C8orf74: variants seen among roughly 807,000 people sequenced by gnomAD.
C8orf74 encodes chromosome 8 open reading frame 74, also known as uncharacterized protein C8orf74.
Under a neutral mutation model 22.2 loss-of-function variants are expected in C8orf74, and 29 were observed. The observed-to-expected ratio is 1.31, with a 90% CI of 0.97 to 1.78. The LOEUF is 1.78. Among genes scored for constraint, C8orf74 ranks in the 40% most tolerant of loss-of-function variants. The probability of loss-of-function intolerance (pLI) is 0.00; values close to 1 mark genes in which losing one functional copy is unlikely to be tolerated. For missense variants in C8orf74, 515 were observed against 369.9 expected (o/e 1.39, Z -3.22); for synonymous variants, 255 against 163.1 (o/e 1.56, Z -4.30).
intron 2 of C8orf74, chr8:10,687,059 C>A (rs1228433292): frequency 2.2e-6 from 1 of 456,176 alleles, no homozygotes; most frequent in Admixed American, 2.3e-5. Flanking sequence ...TAGAGCCATG[C>A]TTCATTCTCT....
intron 2 of C8orf74, chr8:10,686,995 C>A (rs1799274715): frequency 9.5e-6 from 4 of 420,998 alleles, no homozygotes; most frequent in South Asian, 6.6e-5. Flanking sequence ...AATCACCAGG[C>A]AACCGCCAAG....
chr8:10,687,526 C>T (rs1586042330), intron 2 of C8orf74, among the ~76,000 whole-genome samples: 1 of 149,130 alleles, frequency 6.7e-6, no homozygotes, highest in African/African-American at 2.5e-5. Context: ...ACAGGAGAAT[C>T]GCTTGAATCT....
rs1034624421 is a variant in C8orf74 at position 10,700,414 on chromosome 8, G to A, written c.828G>A (p.Glu276=). ...PPPITSHAGQ[E]EALKPQRASK... Reference sequence around the variant, plus strand: ...CCATCACCAGCCACGCAGGCCAGGAGGAAGCCCTGAAGCCCCAAAGAGCGA... The same window carrying A: ...CCATCACCAGCCACGCAGGCCAGGAAGAAGCCCTGAAGCCCCAAAGAGCGA... The change falls in exon 4 of 4, where the codon GAG becomes GAA. Residue 276 remains glutamate (E), a synonymous_variant. Coordinates refer to ENST00000304519, the MANE Select transcript of C8orf74 (RefSeq NM_001040032.2). 6.2e-7 allele frequency: 1 copy of A among 1,610,972 alleles called. No individual in the cohort carries two copies. Among genetic ancestry groups the A allele is most frequent in the Admixed American group, 1.7e-5 (1 of 59,706 alleles).
intron 2 of C8orf74, among the ~76,000 whole-genome samples, chr8:10,680,240 T>C (rs1799121076): frequency 6.6e-6 from 1 of 152,138 alleles, no homozygotes; most frequent in East Asian, 1.9e-4. Context: ...TCAGTTCAAA[T>C]CCCACTGCGG....
intron 2 of C8orf74, among the ~76,000 whole-genome samples, chr8:10,679,158 C>T (rs570279536): frequency 1.3e-5 from 2 of 152,266 alleles, no homozygotes; most frequent in Non-Finnish European, 2.9e-5. Flanking sequence ...AAATGTGGGG[C>T]AAGAACAGCA....
rs1799510133 is a variant in C8orf74, at chr8:10,696,755, A to C, written c.242-844A>C. Among the ~76,000 whole-genome samples the C allele has an allele frequency of 1.3e-5, 2 of 150,774 alleles. 1 individual carries two copies. The highest frequency in any genetic ancestry group is 1.3e-4 in the Admixed American group (2 of 15,140). The stretch of plus-strand genomic sequence containing the variant: ...GAGCCATCACGCCCCACTGCCTCCT[A>C]CTCCACTCTTATGGGAATTCCTTTT... On this transcript the variant is annotated intron_variant, in intron 2 of 3. Coordinates refer to ENST00000304519, the MANE Select transcript of C8orf74 (RefSeq NM_001040032.2).
rs1465951732 is a variant in C8orf74 at position 10,674,739 on chromosome 8, C to T, written c.142C>T (p.Leu48Phe). The change falls in exon 2 of 4, where the codon CTC becomes TTC. Residue 48 changes from leucine to phenylalanine, a missense_variant. Physicochemically the swap from Leu to Phe is conservative, Grantham distance 22. Coordinates refer to ENST00000304519, the MANE Select transcript of C8orf74 (RefSeq NM_001040032.2). ...DSRRSILLDT[L>F]YESIIFAVGK... is the part of the protein sequence containing the mutation. ...CCGGAGGAGCATCCTGCTGGACACC[C>T]TCTACGAGAGCATCATCTTTGCAGT... is the stretch of plus-strand genomic sequence containing the variant. 1.2e-6 allele frequency: 2 copies of T among 1,607,426 alleles called. No homozygotes were observed. Among genetic ancestry groups the T allele is most frequent in the Non-Finnish European group, 1.7e-6 (2 of 1,177,012 alleles).
chr8:10,686,331 T>C (rs572586530), intron 2 of C8orf74, among the ~76,000 whole-genome samples: 1 of 152,352 alleles, frequency 6.6e-6, no homozygotes, highest in Non-Finnish European at 1.5e-5. Flanking sequence ...CTTCATCTGT[T>C]AAATGGTGTC....
intron 2 of C8orf74, among the ~76,000 whole-genome samples, chr8:10,681,878 T>C (rs1202530807): frequency 6.6e-6 from 1 of 151,876 alleles, no homozygotes; most frequent in Non-Finnish European, 1.5e-5. Context: ...GCATCTGCAG[T>C]TCCACCCATG....
chr8:10,698,901 CCACACACACACACA>C (rs59324425), intron 3 of C8orf74, among the ~76,000 whole-genome samples: 14,709 of 137,600 alleles, frequency 0.11, 1,282 homozygotes, highest in East Asian at 0.34. Context: ...TACACACACA[CCACACACACACACA>C]CACACACACA....
chr8:10,679,757 G>T (rs573036649), intron 2 of C8orf74: 4 of 152,458 alleles, frequency 2.6e-5, no homozygotes, highest in Non-Finnish European at 5.9e-5. Context: ...TGCCTGGCCC[G>T]GCCCCTTCCC....
rs979877073 is a variant in C8orf74 at position 10,700,086 on chromosome 8, A to G, written c.649-149A>G. ...CCCTAGTTGGCTGAAGTCAACCAGA[A>G]GCCAGAGGTCCAGGCAACCACGGCC... is the stretch of plus-strand genomic sequence containing the variant. On this transcript the variant is annotated intron_variant, in intron 3 of 3. Transcript: ENST00000304519. The G allele has an allele frequency of 8.5e-5, 44 of 515,952 alleles. No homozygotes were observed. The Middle Eastern group carries it at 5.0e-3, about 58-fold the overall frequency. The allele number at this position is 515,952 out of a possible 1,614,324, so 32.0% of individuals were successfully genotyped here. A position where few individuals can be genotyped will look rare whatever the true frequency, so the allele number is the denominator to read the frequency against.
At chr8:10,696,045 C>A (rs1223990589) in intron 2 of C8orf74, among the ~76,000 whole-genome samples, 2 of 152,180 alleles carry the variant, frequency 1.3e-5, no homozygotes, top group South Asian at 2.1e-4. Context: ...CTGGGCCATG[C>A]TCTTCTGCTG....
intron 3 of C8orf74, among the ~76,000 whole-genome samples, 181 bp downstream of exon 3, chr8:10,698,186 A>G (rs189050365): frequency 2.0e-5 from 3 of 152,294 alleles, no homozygotes; most frequent in East Asian, 1.9e-4. Flanking sequence ...TCATGTCCCT[A>G]TTTTAGTGAT....
chr8:10,678,201 G>A (rs1799072774), intron 2 of C8orf74, among the ~76,000 whole-genome samples: 2 of 152,170 alleles, frequency 1.3e-5, no homozygotes, highest in African/African-American at 2.4e-5. Context: ...GCCCTTTACT[G>A]GGTGCGTGGT....
intron 2 of C8orf74, among the ~76,000 whole-genome samples, chr8:10,693,237 G>C (rs985283245): frequency 1.3e-5 from 2 of 152,158 alleles, no homozygotes; most frequent in African/African-American, 4.8e-5. Context: ...TGCACAAGCT[G>C]CTCCCCCTCT....
At chr8:10,698,468 C>G (rs1477378620) in intron 3 of C8orf74, among the ~76,000 whole-genome samples, 2 of 151,996 alleles carry the variant, frequency 1.3e-5, no homozygotes, top group Non-Finnish European at 2.9e-5. Context: ...GGTCATGTGA[C>G]CAGGGAGACA....
Position 10,697,611 on chromosome 8 carries a change from C to T in C8orf74, c.254C>T (p.Thr85Ile). Residue 85 changes from threonine (T) to isoleucine (I), a missense_variant, in exon 3 of 4, where the codon ACT becomes ATT. Thr to Ile is a moderately conservative substitution (Grantham distance 89). Coordinates refer to ENST00000304519, the MANE Select transcript of C8orf74 (RefSeq NM_001040032.2). ...LLRETKGCSI[T>I]EAVTILGNKL... ...CCTGTGCCTACAGGCTGCTCCATTA[C>T]TGAGGCTGTGACGATCCTGGGGAAC... 1 of 1,613,630 alleles carries T rather than the reference C, an allele frequency of 6.2e-7. No individual in the cohort carries two copies. Among genetic ancestry groups the T allele is most frequent in the Non-Finnish European group, 8.5e-7 (1 of 1,179,680 alleles).
intron 2 of C8orf74, among the ~76,000 whole-genome samples, chr8:10,694,909 TGGGTGGAC>T (rs1799457163): frequency 1.3e-5 from 2 of 151,710 alleles, no homozygotes; most frequent in Non-Finnish European, 2.9e-5. Flanking sequence ...GACGAATGGA[TGGGTGGAC>T]GGATGGATGG....
Sources: gnomAD v4.1 joint callset for allele counts (sites outside exome capture counted in the v4.1 genomes callset) on GRCh38, gnomAD v4.1.1 for gene constraint, MANE v1.5 for transcripts, NCBI Gene and HGNC (gene_info 2026-07-23, HGNC 2026-07-21) for gene names.